Variants in SHISA6 observed in about 807,000 individuals in gnomAD.
SHISA6 encodes the protein shisa family member 6.
SHISA6 carries 22 observed loss-of-function variants against 47.9 expected under a neutral mutation model. That is an observed-to-expected ratio of 0.46 (90% CI 0.33 to 0.66). The LOEUF (loss-of-function observed/expected upper bound fraction) is 0.66, where lower values mean the gene tolerates loss of function less well. Among genes scored for constraint, SHISA6 ranks in the 30% least tolerant of loss-of-function variants. The pLI is 0.02. For synonymous variants in SHISA6, 388 were observed against 337.8 expected (o/e 1.15, Z -1.63); for missense variants, 680 against 764.6 (o/e 0.89, Z 1.30).
At chr17:11,307,457 A>G (rs1910162343) in intron 2 of SHISA6, among the ~76,000 whole-genome samples, 1 of 152,204 alleles carries the variant, frequency 6.6e-6, no homozygotes, top group Admixed American at 6.5e-5. Flanking sequence ...GGAAGAGGAA[A>G]GCAAGAGGAA....
intron 3 of SHISA6, among the ~76,000 whole-genome samples, chr17:11,395,071 G>A (rs1400186996): frequency 6.5e-5 from 9 of 138,870 alleles, no homozygotes; most frequent in Middle Eastern, 4.0e-3. Flanking sequence ...GCGCGATCTC[G>A]GCTCACTGCA....
intron 3 of SHISA6, among the ~76,000 whole-genome samples, chr17:11,452,809 TTCC>T (rs1195126504): frequency 6.7e-6 from 1 of 148,806 alleles, no homozygotes; most frequent in African/African-American, 2.5e-5. Context: ...CCTCTCTTTT[TTCC>T]TCCTCTTATT....
intron 2 of SHISA6, among the ~76,000 whole-genome samples, chr17:11,320,651 T>TC (rs1339996638): frequency 1.3e-5 from 1 of 79,632 alleles, no homozygotes; most frequent in Non-Finnish European, 2.8e-5. Flanking sequence ...AGAGCGAAAC[T>TC]CCATCACCAA....
chr17:11,472,200 G>A (rs933721484), intron 3 of SHISA6, among the ~76,000 whole-genome samples: 1 of 152,068 alleles, frequency 6.6e-6, no homozygotes, highest in African/African-American at 2.4e-5. Context: ...AGTCTTTTCA[G>A]ATTGTCTTCT....
intron 2 of SHISA6, among the ~76,000 whole-genome samples, chr17:11,372,396 C>T (rs1236263798): frequency 6.6e-6 from 1 of 152,184 alleles, no homozygotes; most frequent in African/African-American, 2.4e-5. Flanking sequence ...CACTGGGTAT[C>T]ATCAGATTCT....
At chr17:11,502,949 G>C (rs953269433) in intron 3 of SHISA6, among the ~76,000 whole-genome samples, 3 of 152,134 alleles carry the variant, frequency 2.0e-5, no homozygotes, top group African/African-American at 7.2e-5. Context: ...TTTCAGGGTC[G>C]GGTCTTTGGA....
At chr17:11,389,553 T>C (rs1913319715) in intron 3 of SHISA6, among the ~76,000 whole-genome samples, 1 of 152,198 alleles carries the variant, frequency 6.6e-6, no homozygotes, top group South Asian at 2.1e-4. Context: ...GGGAAGTCTG[T>C]TATAACCCTA....
At chr17:11,524,099 AAGAG>A (rs1294515939) in intron 3 of SHISA6, among the ~76,000 whole-genome samples, 3 of 150,026 alleles carry the variant, frequency 2.0e-5, no homozygotes, top group Admixed American at 6.6e-5. Context: ...GAAAGAAAGA[AAGAG>A]AAAGAAAGAA....
chr17:11,463,637 G>A (rs1184189185), intron 3 of SHISA6, among the ~76,000 whole-genome samples: 2 of 152,128 alleles, frequency 1.3e-5, no homozygotes, highest in African/African-American at 4.8e-5. Context: ...TCTGGAACTT[G>A]TTTATTTCAC....
intron 3 of SHISA6, among the ~76,000 whole-genome samples, chr17:11,517,039 T>C (rs1488339703): frequency 1.3e-5 from 2 of 152,198 alleles, no homozygotes; most frequent in African/African-American, 4.8e-5. Flanking sequence ...GAGATAATTC[T>C]GGGTTTAATG....
At chr17:11,368,376 G>A (rs1049541239) in intron 2 of SHISA6, among the ~76,000 whole-genome samples, 6 of 152,172 alleles carry the variant, frequency 3.9e-5, no homozygotes, top group Admixed American at 1.3e-4. Context: ...ATCGCAGTGA[G>A]TGCCCTAAAC....
intron 3 of SHISA6, among the ~76,000 whole-genome samples, chr17:11,425,762 A>G (rs1914594771): frequency 6.6e-6 from 1 of 152,160 alleles, no homozygotes; most frequent in Admixed American, 6.5e-5. Flanking sequence ...CGCGGACATC[A>G]TGTGATAAGC....
chr17:11,402,692 G>C (rs537536692), intron 3 of SHISA6, among the ~76,000 whole-genome samples: 1 of 152,326 alleles, frequency 6.6e-6, no homozygotes, highest in Non-Finnish European at 1.5e-5. Context: ...ACATGGACCT[G>C]CCAAGTTTCA....
chr17:11,251,435 A>G (rs527406628), intron 1 of SHISA6, among the ~76,000 whole-genome samples: 247 of 151,936 alleles, frequency 1.6e-3, no homozygotes, highest in Non-Finnish European at 3.0e-3. Context: ...AAAAAAAAAA[A>G]CTTGACAATA....
At chr17:11,297,671 T>C (rs1183423353) in intron 2 of SHISA6, among the ~76,000 whole-genome samples, 1 of 152,200 alleles carries the variant, frequency 6.6e-6, no homozygotes, top group African/African-American at 2.4e-5. Context: ...TTGTTCTTAG[T>C]ATCTGTGTGC....
At chr17:11,471,377 T>C (rs578155283) in intron 3 of SHISA6, among the ~76,000 whole-genome samples, 2 of 152,268 alleles carry the variant, frequency 1.3e-5, no homozygotes, top group East Asian at 3.9e-4. Flanking sequence ...GTCCTCCCTA[T>C]TGACCAAGCT....
intron 3 of SHISA6, among the ~76,000 whole-genome samples, chr17:11,479,020 C>G (rs1340823235): frequency 6.6e-6 from 1 of 152,088 alleles, no homozygotes; most frequent in African/African-American, 2.4e-5. Flanking sequence ...AATGGCCATA[C>G]TGCCCAAGGT....
At chr17:11,379,579 G>A (rs1339053647) in intron 3 of SHISA6, 70 bp downstream of exon 3, 2 of 1,089,320 alleles carry the variant, frequency 1.8e-6, no homozygotes, top group Non-Finnish European at 2.7e-6. Context: ...ATGAGAAGAT[G>A]GTGTGGAGGC....
intron 4 of SHISA6, among the ~76,000 whole-genome samples, 173 bp downstream of exon 4, chr17:11,552,125 T>C (rs1020929104): frequency 2.0e-5 from 3 of 152,184 alleles, no homozygotes; most frequent in Admixed American, 6.5e-5. Context: ...TAATCTCACT[T>C]GTAGGCTATT....
Sources: gnomAD v4.1 joint callset for allele counts (sites outside exome capture counted in the v4.1 genomes callset) on GRCh38, gnomAD v4.1.1 for gene constraint, MANE v1.5 for transcripts, NCBI Gene and HGNC (gene_info 2026-07-23, HGNC 2026-07-21) for gene names.